Variants in WFDC1 observed in about 807,000 individuals in gnomAD.
WFDC1 encodes WAP four-disulfide core domain protein 1.
In WFDC1, 39 loss-of-function variants were observed where a neutral mutation model predicts 32.9. The observed-to-expected ratio is 1.19, with a 90% CI of 0.92 to 1.55. WFDC1 has a LOEUF of 1.55. WFDC1 is among the 40% of genes most tolerant of loss of function. The pLI is 0.00. For missense variants in WFDC1, 386 were observed against 309.5 expected, an observed-to-expected ratio of 1.25 and a Z score of -1.85; for synonymous variants, 184 against 137.4, an observed-to-expected ratio of 1.34 and a Z score of -2.37.
Position 84,323,159 on chromosome 16 carries a change from A to G in WFDC1, c.563-1260A>G, listed in dbSNP as rs150279015. Among the ~76,000 whole-genome samples the G allele has an allele frequency of 2.2e-3, 342 of 152,328 alleles. 2 individuals carry two copies. Among genetic ancestry groups the G allele is most frequent in the African/African-American group, 7.9e-3 (328 of 41,574 alleles). ...ATAGTTATTGCTGCAGTTGCTGATC[A>G]GCAGGCGCTGACCCACCGGAGGGCC... On this transcript the variant is annotated intron_variant, in intron 4 of 6. Transcript: ENST00000219454.
chr16:84,311,748 C>T (rs1288795939), intron 1 of WFDC1, among the ~76,000 whole-genome samples: 1 of 146,608 alleles, frequency 6.8e-6, no homozygotes, highest in African/African-American at 2.5e-5. Context: ...TGTTGGCCAG[C>T]CTGGTCTCAA....
chr16:84,316,598 T>C (rs4782919), intron 2 of WFDC1: 19,007 of 149,770 alleles, frequency 0.13, 1,574 homozygotes, highest in East Asian at 0.36. Flanking sequence ...CCTATCTCTG[T>C]AGAATAATCA....
chr16:84,307,707 C>T (rs953811980), intron 1 of WFDC1, among the ~76,000 whole-genome samples: 1 of 152,212 alleles, frequency 6.6e-6, no homozygotes, highest in African/African-American at 2.4e-5. Context: ...AAGCCGCCCC[C>T]TCCCGACGAC....
chr16:84,300,348 C>G (rs1233472779), intron 1 of WFDC1, among the ~76,000 whole-genome samples: 1 of 152,214 alleles, frequency 6.6e-6, no homozygotes, highest in Admixed American at 6.5e-5. Context: ...TCTCCAAGGT[C>G]CACTGGGTTT....
chr16:84,312,905 GGCGCCGGGACTCGAAC>G lies in WFDC1; in HGVS notation c.145-51_145-36del, dbSNP rs766704169. 8.4e-4 allele frequency: 910 copies of G among 1,086,822 alleles called. 5 individuals carry two copies. The highest frequency in any genetic ancestry group is 4.4e-4 in the Non-Finnish European group (389 of 882,004). The allele number at this position is 1,086,822 out of a possible 1,614,324, so 67.3% of individuals were successfully genotyped here. A position where few individuals can be genotyped will look rare whatever the true frequency, so the allele number is the denominator to read the frequency against. On this transcript the variant is annotated intron_variant, in intron 1 of 6. Transcript: ENST00000219454. Reference sequence around the variant, plus strand: ...GCCCACCCCCTTGCAAGCTCCGGGTGGCGCCGGGACTCGAACGCGCGCCCCAGAGCTGCTGACACCG... The same window carrying G: ...GCCCACCCCCTTGCAAGCTCCGGGTGGCGCGCCCCAGAGCTGCTGACACCG...
intron 4 of WFDC1, among the ~76,000 whole-genome samples, chr16:84,322,089 A>G (rs747247957): frequency 1.7e-4 from 26 of 151,992 alleles, no homozygotes; most frequent in Non-Finnish European, 8.8e-5. Context: ...GAATTTACCC[A>G]AAAGATGCAG....
intron 1 of WFDC1, among the ~76,000 whole-genome samples, chr16:84,297,688 G>A (rs185898325): frequency 6.0e-5 from 9 of 149,116 alleles, no homozygotes; most frequent in African/African-American, 9.8e-5. Context: ...CAGGCTGTTC[G>A]CCTGTGGCTC....
intron 1 of WFDC1, among the ~76,000 whole-genome samples, chr16:84,304,385 C>A (rs537081889): frequency 6.6e-6 from 1 of 152,158 alleles, no homozygotes; most frequent in Middle Eastern, 3.2e-3. Flanking sequence ...CCCGCCACCA[C>A]GCCTGGCTAG....
intron 5 of WFDC1, chr16:84,326,062 T>TATCCATCCATCCATATATCCATCC (rs1908577304): frequency 3.9e-5 from 1 of 25,828 alleles, no homozygotes; most frequent in African/African-American, 9.5e-5. Flanking sequence ...TCCATCCATC[T>TATCCATCCATCCATATATCCATCC]ATCCATCCAT....
intron 1 of WFDC1, among the ~76,000 whole-genome samples, chr16:84,311,375 G>A (rs1389735577): frequency 2.4e-5 from 3 of 125,578 alleles, no homozygotes; most frequent in African/African-American, 5.8e-5. Context: ...TCGCCACCAC[G>A]CCCGGCTAAT....
intron 1 of WFDC1, among the ~76,000 whole-genome samples, chr16:84,305,866 G>A (rs528423109): frequency 1.2e-4 from 19 of 152,190 alleles, no homozygotes; most frequent in Admixed American, 1.2e-3. Context: ...AGCCAGGCGT[G>A]GTGGCGGGCA....
At chr16:84,327,152 G>A (rs761843110) in intron 6 of WFDC1, 197 bp downstream of exon 6, 194 of 600,372 alleles carry the variant, frequency 3.2e-4, no homozygotes, top group African/African-American at 8.7e-4. Context: ...TAAATGCAAC[G>A]ACATACTATA....
intron 1 of WFDC1, chr16:84,295,356 G>A (rs566764091): frequency 5.7e-6 from 3 of 522,460 alleles, no homozygotes; most frequent in Admixed American, 3.7e-5. Flanking sequence ...CCAAAGAATC[G>A]TGCCTTACTT....
chr16:84,297,645 A>ATAGAAC lies in WFDC1; in HGVS notation c.144+2530_144+2531insTAGAAC, dbSNP rs572290089. ...AAAAAAAAAAAAAAAAAAAAAAAAA[A>ATAGAAC]AACTGTGCCTCAGAGAAAGCCCTGG... On this transcript the variant is annotated intron_variant, in intron 1 of 6. Coordinates refer to ENST00000219454, the MANE Select transcript of WFDC1 (RefSeq NM_021197.4). Among the ~76,000 whole-genome samples the ATAGAAC allele has an allele frequency of 1.2e-3, 162 of 136,166 alleles. 3 individuals carry two copies. The highest frequency in any genetic ancestry group is 2.7e-3 in the South Asian group (11 of 4,064). The allele number at this position is 136,166 out of a possible 152,430, so 89.3% of individuals were successfully genotyped here. A position where few individuals can be genotyped will look rare whatever the true frequency, so the allele number is the denominator to read the frequency against.
intron 1 of WFDC1, chr16:84,296,970 C>G (rs953741450): frequency 1.3e-5 from 2 of 152,210 alleles, no homozygotes; most frequent in African/African-American, 4.8e-5. Context: ...ATGCTCTTCT[C>G]TGGTGCAACA....
chr16:84,308,479 C>T (rs1372740509), intron 1 of WFDC1, among the ~76,000 whole-genome samples: 1 of 152,204 alleles, frequency 6.6e-6, no homozygotes, highest in Admixed American at 6.5e-5. Flanking sequence ...AACATCCCGA[C>T]GAGTCTGGGG....
chr16:84,307,570 T>G (rs1907338554), intron 1 of WFDC1, among the ~76,000 whole-genome samples: 1 of 152,198 alleles, frequency 6.6e-6, no homozygotes, highest in African/African-American at 2.4e-5. Context: ...CATCTGGGAC[T>G]GCCATTAAGG....
chr16:84,324,546 C>CAGGGCTGAG (rs987188802), intron 5 of WFDC1, 86 bp downstream of exon 5: 13 of 1,483,828 alleles, frequency 8.8e-6, no homozygotes, highest in African/African-American at 2.8e-5. Flanking sequence ...AATAAAAGCC[C>CAGGGCTGAG]AGGGCTGAGA....
intron 1 of WFDC1, among the ~76,000 whole-genome samples, chr16:84,302,270 C>T (rs771654409): frequency 6.6e-6 from 1 of 152,086 alleles, no homozygotes; most frequent in Non-Finnish European, 1.5e-5. Context: ...ATGGAAAAGC[C>T]GCAGAAATAG....
Sources: gnomAD v4.1 joint callset for allele counts (sites outside exome capture counted in the v4.1 genomes callset) on GRCh38, gnomAD v4.1.1 for gene constraint, MANE v1.5 for transcripts, NCBI Gene and HGNC (gene_info 2026-07-23, HGNC 2026-07-21) for gene names.